The following SHISA6 variants were observed in gnomAD, a reference collection of about 807,000 sequenced individuals.
SHISA6 encodes the protein protein shisa-6.
A neutral mutation model predicts 47.9 loss-of-function variants in SHISA6; 22 were observed. The ratio of observed to expected loss-of-function variants is 0.46; its 90% CI spans 0.33 to 0.66. The LOEUF is 0.66. Ranked by LOEUF, SHISA6 falls within the 30% of genes least tolerant of loss-of-function variation. SHISA6 has a pLI of 0.02. For synonymous variants in SHISA6, 388 were observed against 337.8 expected (o/e 1.15, Z -1.63); for missense variants, 680 against 764.6 (o/e 0.89, Z 1.30).
chr17:11,538,886 G>A (rs1285360366), intron 3 of SHISA6, among the ~76,000 whole-genome samples: 3 of 152,162 alleles, frequency 2.0e-5, no homozygotes, highest in African/African-American at 7.2e-5. Flanking sequence ...CCCCAGACAT[G>A]AGAGTTATAG....
At position 11,277,278 on chromosome 17, in the gene SHISA6, TCTCACACACA is replaced by T. The variant is rs1331721059; in HGVS notation, c.799+13754_799+13763del. ...CTCTCTCTCTCTCTCTCTCTCTCTC[TCTCACACACA>T]CACACACACACACACACACACACAC... is the stretch of plus-strand genomic sequence containing the variant. On this transcript the variant is annotated intron_variant, in intron 2 of 5. Coordinates refer to ENST00000441885, the MANE Select transcript of SHISA6 (RefSeq NM_207386.4). Among the ~76,000 whole-genome samples the T allele has an allele frequency of 3.6e-3, 190 of 52,644 alleles. 1 individual carries two copies. Among genetic ancestry groups the T allele is most frequent in the African/African-American group, 0.01 (180 of 17,168 alleles). The allele number at this position is 52,644 out of a possible 152,430, so 34.5% of individuals were successfully genotyped here. A position where few individuals can be genotyped will look rare whatever the true frequency, so the allele number is the denominator to read the frequency against.
At chr17:11,476,116 G>T (rs1024100436) in intron 3 of SHISA6, among the ~76,000 whole-genome samples, 3 of 151,918 alleles carry the variant, frequency 2.0e-5, no homozygotes, top group African/African-American at 7.2e-5. Context: ...AACATTCGTG[G>T]GATCTGTAGT....
At chr17:11,283,883 A>G (rs1909206295) in intron 2 of SHISA6, among the ~76,000 whole-genome samples, 1 of 152,212 alleles carries the variant, frequency 6.6e-6, no homozygotes, top group South Asian at 2.1e-4. Flanking sequence ...AATAATCTAT[A>G]GAATTGTTTA....
At chr17:11,507,870 A>T (rs1048793060) in intron 3 of SHISA6, among the ~76,000 whole-genome samples, 1 of 152,194 alleles carries the variant, frequency 6.6e-6, no homozygotes, top group Non-Finnish European at 1.5e-5. Context: ...TCATTGAAAC[A>T]TCTGTTCAAA....
chr17:11,549,522 A>G (rs2071912326), intron 3 of SHISA6, among the ~76,000 whole-genome samples: 1 of 152,262 alleles, frequency 6.6e-6, no homozygotes, highest in Non-Finnish European at 1.5e-5. Flanking sequence ...ATTCTACTTC[A>G]GTCCTCATTT....
At chr17:11,361,014 A>G (rs1009003942) in intron 2 of SHISA6, among the ~76,000 whole-genome samples, 2 of 142,628 alleles carry the variant, frequency 1.4e-5, no homozygotes, top group East Asian at 2.1e-4. Context: ...TCATATTCTC[A>G]TTCCTTAAGT....
intron 3 of SHISA6, among the ~76,000 whole-genome samples, chr17:11,530,031 A>C (rs1400515641): frequency 6.6e-6 from 1 of 152,150 alleles, no homozygotes; most frequent in Non-Finnish European, 1.5e-5. Context: ...AAAAACACCT[A>C]GTGCTGCTCA....
chr17:11,317,211 A>C (rs1427330762), intron 2 of SHISA6, among the ~76,000 whole-genome samples: 1 of 152,078 alleles, frequency 6.6e-6, no homozygotes, highest in African/African-American at 2.4e-5. Flanking sequence ...CTTTTGTCAT[A>C]ATTGTAGTTT....
intron 3 of SHISA6, among the ~76,000 whole-genome samples, chr17:11,383,718 G>GT (rs1304235242): frequency 6.6e-6 from 1 of 152,036 alleles, no homozygotes; most frequent in Non-Finnish European, 1.5e-5. Flanking sequence ...CTCCTTCTAA[G>GT]TACCTGCTTC....
intron 2 of SHISA6, among the ~76,000 whole-genome samples, chr17:11,284,228 A>G (rs1299928220): frequency 6.6e-6 from 1 of 152,174 alleles, no homozygotes; most frequent in Non-Finnish European, 1.5e-5. Context: ...GCTTAACCAA[A>G]TAAAGGTTGA....
In SHISA6 at chr17:11,364,408, G is replaced by A. The variant is rs185678432; in HGVS notation, c.800-15006G>A. On this transcript the variant is annotated intron_variant, in intron 2 of 5. Coordinates refer to ENST00000441885, the MANE Select transcript of SHISA6 (RefSeq NM_207386.4). ...TGGTCTTGGTCTTCATACAAATGAA[G>A]CCATGTGACATGCATTTTTTTGTGT... is the stretch of plus-strand genomic sequence containing the variant. Among the ~76,000 whole-genome samples, 131 of 152,268 alleles carry A rather than the reference G, an allele frequency of 8.6e-4. 1 individual carries two copies. Among genetic ancestry groups the A allele is most frequent in the Non-Finnish European group, 1.4e-3 (93 of 68,024 alleles).
At chr17:11,362,508 T>A (rs1912322371) in intron 2 of SHISA6, among the ~76,000 whole-genome samples, 1 of 152,206 alleles carries the variant, frequency 6.6e-6, no homozygotes, top group Admixed American at 6.5e-5. Context: ...TTCACTTCCT[T>A]GAAATATAAT....
At chr17:11,290,041 G>A (rs887037374) in intron 2 of SHISA6, 3 of 152,098 alleles carry the variant, frequency 2.0e-5, no homozygotes, top group Non-Finnish European at 4.4e-5. Flanking sequence ...CTAAATATCT[G>A]TGGTGGTTGT....
In SHISA6 at chr17:11,281,650, T is replaced by C. The variant is rs1262211282; in HGVS notation, c.799+18124T>C. On this transcript the variant is annotated intron_variant, in intron 2 of 5. Coordinates refer to ENST00000441885, the MANE Select transcript of SHISA6 (RefSeq NM_207386.4). The stretch of plus-strand genomic sequence containing the variant: ...TTTTGGTTTGGTATCAGAGTAATGC[T>C]GACCTCATAAAATATGCCGAAAAAT... Among the ~76,000 whole-genome samples the C allele has an allele frequency of 2.0e-5, 3 of 152,252 alleles. No individual in the cohort carries two copies. The East Asian group carries it at 5.8e-4, about 29-fold the overall frequency.
Position 11,325,901 on chromosome 17 carries a change from C to T in SHISA6, c.800-53513C>T, listed in dbSNP as rs191074787. Among the ~76,000 whole-genome samples the T allele has an allele frequency of 6.6e-5, 10 of 152,174 alleles. No homozygotes were observed. The East Asian group carries it at 9.7e-4, about 15-fold the overall frequency. On this transcript the variant is annotated intron_variant, in intron 2 of 5. Coordinates refer to ENST00000441885, the MANE Select transcript of SHISA6 (RefSeq NM_207386.4). ...GCCAAAAAACAATAATGGGGACAGC[C>T]GATGTCTAATATGCTCCTCCTTGAC...
intron 3 of SHISA6, among the ~76,000 whole-genome samples, chr17:11,448,837 A>C (rs887728950): frequency 6.6e-6 from 1 of 152,100 alleles, no homozygotes; most frequent in African/African-American, 2.4e-5. Context: ...GTCTGAGCAA[A>C]AAATCATCTT....
At chr17:11,262,136 G>C (rs1264727959) in intron 1 of SHISA6, among the ~76,000 whole-genome samples, 2 of 152,184 alleles carry the variant, frequency 1.3e-5, no homozygotes, top group African/African-American at 4.8e-5. Context: ...TCTTTTTCAT[G>C]TGGCGATCCA....
At chr17:11,483,099 C>T (rs371720100) in intron 3 of SHISA6, among the ~76,000 whole-genome samples, 43 of 152,066 alleles carry the variant, frequency 2.8e-4, no homozygotes, top group Middle Eastern at 3.4e-3. Context: ...GTCAGGAGTT[C>T]GAGACCAGCC....
chr17:11,468,334 C>G (rs1915859070), intron 3 of SHISA6, among the ~76,000 whole-genome samples: 1 of 151,968 alleles, frequency 6.6e-6, no homozygotes, highest in Non-Finnish European at 1.5e-5. Context: ...AGCTGAGATA[C>G]AGATGGCTGT....
Sources: gnomAD v4.1 joint callset for allele counts (sites outside exome capture counted in the v4.1 genomes callset) on GRCh38, gnomAD v4.1.1 for gene constraint, MANE v1.5 for transcripts, NCBI Gene and HGNC (gene_info 2026-07-23, HGNC 2026-07-21) for gene names.